INPP4B: variants seen among roughly 807,000 people sequenced by gnomAD.
INPP4B encodes the protein inositol polyphosphate-4-phosphatase type II B, also known as inositol polyphosphate 4-phosphatase type II.
In INPP4B, 55 loss-of-function variants were observed where a neutral mutation model predicts 122.5. The observed-to-expected ratio is 0.45, with a 90% confidence interval of 0.36 to 0.56. The LOEUF (loss-of-function observed/expected upper bound fraction) is 0.56, where lower values mean the gene tolerates loss of function less well. INPP4B is among the 20% of genes least tolerant of loss of function. The pLI is 0.00. For missense variants in INPP4B, 1,000 were observed against 1,097.7 expected, an observed-to-expected ratio of 0.91 and a Z score of 1.26; for synonymous variants, 403 against 388.7, an observed-to-expected ratio of 1.04 and a Z score of -0.43.
chr4:142,745,976 T>C (rs532926331), intron 1 of INPP4B, among the ~76,000 whole-genome samples: 10 of 151,926 alleles, frequency 6.6e-5, no homozygotes, highest in Non-Finnish European at 1.2e-4. Flanking sequence ...TTGGTAATCA[T>C]TGTTGAAGGT....
At chr4:142,746,167 T>C (rs1313303487) in intron 1 of INPP4B, among the ~76,000 whole-genome samples, 8 of 151,866 alleles carry the variant, frequency 5.3e-5, no homozygotes, top group Admixed American at 5.3e-4. Context: ...ACATGGGATA[T>C]TCATCATGAT....
At chr4:142,837,742 T>C (rs1782974544) in intron 1 of INPP4B, among the ~76,000 whole-genome samples, 1 of 152,150 alleles carries the variant, frequency 6.6e-6, no homozygotes, top group Non-Finnish European at 1.5e-5. Context: ...GTGCAAGCTT[T>C]CTGGAAAGCA....
chr4:142,587,237 C>G (rs1053003219), intron 2 of INPP4B, among the ~76,000 whole-genome samples: 1 of 151,942 alleles, frequency 6.6e-6, no homozygotes, highest in Non-Finnish European at 1.5e-5. Flanking sequence ...AAGATAACAC[C>G]CCATCCATTT....
intron 2 of INPP4B, among the ~76,000 whole-genome samples, chr4:142,525,870 A>G (rs2149956130): frequency 6.6e-6 from 1 of 151,578 alleles, no homozygotes; most frequent in East Asian, 2.0e-4. Flanking sequence ...AATGGCAACA[A>G]AAGACAAAAT....
chr4:142,061,686 G>T (rs115388672), intron 25 of INPP4B, among the ~76,000 whole-genome samples: 2 of 151,144 alleles, frequency 1.3e-5, no homozygotes. Context: ...ACAACGATTG[G>T]GTCATTTGAA....
intron 2 of INPP4B, among the ~76,000 whole-genome samples, chr4:142,680,833 G>C (rs1464972589): frequency 1.3e-5 from 2 of 151,844 alleles, no homozygotes; most frequent in African/African-American, 2.4e-5. Flanking sequence ...ACAAACTGGA[G>C]CTGATTAGGT....
chr4:142,031,880 C>T (rs1204721383), intron 25 of INPP4B, among the ~76,000 whole-genome samples: 1 of 152,118 alleles, frequency 6.6e-6, no homozygotes, highest in Non-Finnish European at 1.5e-5. Context: ...ACTGGGAATA[C>T]AAGGTTGGAT....
intron 2 of INPP4B, among the ~76,000 whole-genome samples, chr4:142,518,185 CA>C (rs1184907562): frequency 6.6e-6 from 1 of 152,124 alleles, no homozygotes; most frequent in African/African-American, 2.4e-5. Flanking sequence ...TAGTAGGATG[CA>C]ATGACCAAAG....
At chr4:142,841,085 G>A (rs186033168) in intron 1 of INPP4B, among the ~76,000 whole-genome samples, 1 of 151,990 alleles carries the variant, frequency 6.6e-6, no homozygotes, top group Non-Finnish European at 1.5e-5. Context: ...CAATTATGCA[G>A]CTATTCTCTT....
At chr4:142,498,321 C>T (rs1404425339) in intron 2 of INPP4B, among the ~76,000 whole-genome samples, 1 of 151,718 alleles carries the variant, frequency 6.6e-6, no homozygotes, top group Non-Finnish European at 1.5e-5. Flanking sequence ...CTCAGATCTA[C>T]CAACCCCTAC....
At chr4:142,261,839 A>G (rs1740188106) in intron 10 of INPP4B, among the ~76,000 whole-genome samples, 1 of 152,184 alleles carries the variant, frequency 6.6e-6, no homozygotes, top group South Asian at 2.1e-4. Context: ...CAATCATAAC[A>G]TTCATCACAT....
At chr4:142,133,222 A>G (rs1408374631) in intron 18 of INPP4B, among the ~76,000 whole-genome samples, 3 of 152,168 alleles carry the variant, frequency 2.0e-5, no homozygotes, top group Non-Finnish European at 4.4e-5. Context: ...CCCTGCTGTT[A>G]TTATTCAGTC....
intron 11 of INPP4B, among the ~76,000 whole-genome samples, chr4:142,257,836 G>T (rs1737194645): frequency 6.6e-6 from 1 of 151,858 alleles, no homozygotes; most frequent in Non-Finnish European, 1.5e-5. Context: ...TTTCTTCACA[G>T]AATTGGAAAA....
intron 1 of INPP4B, among the ~76,000 whole-genome samples, chr4:142,820,440 A>G (rs184500526): frequency 6.6e-6 from 1 of 152,142 alleles, no homozygotes; most frequent in African/African-American, 2.4e-5. Context: ...CTCTTCTGCC[A>G]TGAGTGGAAA....
chr4:142,254,026 T>A (rs1447533817), intron 11 of INPP4B, among the ~76,000 whole-genome samples: 1 of 98,812 alleles, frequency 1.0e-5, no homozygotes, highest in East Asian at 3.7e-4. Context: ...GCAGACTGCC[T>A]CCTCTAGTGG....
intron 12 of INPP4B, among the ~76,000 whole-genome samples, chr4:142,232,376 T>G (rs1196567699): frequency 6.6e-6 from 1 of 152,282 alleles, no homozygotes; most frequent in South Asian, 2.1e-4. Context: ...ATTTTAGAAC[T>G]GTTGCAATGT....
At chr4:142,707,783 G>A (rs1762635209) in intron 2 of INPP4B, among the ~76,000 whole-genome samples, 1 of 152,196 alleles carries the variant, frequency 6.6e-6, no homozygotes, top group South Asian at 2.1e-4. Flanking sequence ...AAAATTGGTA[G>A]CAGGAACTGG....
intron 11 of INPP4B, among the ~76,000 whole-genome samples, chr4:142,239,580 T>G (rs1350330585): frequency 6.6e-6 from 1 of 152,170 alleles, no homozygotes; most frequent in Non-Finnish European, 1.5e-5. Context: ...AAAGTTTTAG[T>G]CATTTGTAAA....
chr4:142,523,715 G>A (rs1460515269), intron 2 of INPP4B, among the ~76,000 whole-genome samples: 3 of 150,980 alleles, frequency 2.0e-5, no homozygotes, highest in Admixed American at 1.3e-4. Flanking sequence ...GTGCAGGTTA[G>A]TTACATATGT....
Sources: gnomAD v4.1 joint callset for allele counts (sites outside exome capture counted in the v4.1 genomes callset) on GRCh38, gnomAD v4.1.1 for gene constraint, MANE v1.5 for transcripts, NCBI Gene and HGNC (gene_info 2026-07-23, HGNC 2026-07-21) for gene names.